The following ATP10B variants were observed in gnomAD, a reference collection of about 807,000 sequenced individuals.
The protein encoded by ATP10B is ATPase phospholipid transporting 10B (putative).
A neutral mutation model predicts 141.2 loss-of-function variants in ATP10B; 122 were observed. The observed-to-expected ratio is 0.86, with a 90% CI of 0.75 to 1.00. The LOEUF (loss-of-function observed/expected upper bound fraction) is 1.00. ATP10B is among the 50% of genes least tolerant of loss of function. ATP10B has a pLI of 0.00. For synonymous variants in ATP10B, 685 were observed against 692.0 expected (o/e 0.99, Z 0.16); for missense variants, 1,876 against 1,825.3 (o/e 1.03, Z -0.51).
chr5:160,643,392 C>T (rs1581251196), intron 9 of ATP10B, among the ~76,000 whole-genome samples: 1 of 152,126 alleles, frequency 6.6e-6, no homozygotes, highest in Admixed American at 6.6e-5. Context: ...CCAGAGAGAC[C>T]ATGTTTCCTC....
chr5:160,828,972 C>T (rs1469608798), intron 1 of ATP10B, among the ~76,000 whole-genome samples: 1 of 143,714 alleles, frequency 7.0e-6, no homozygotes, highest in African/African-American at 2.5e-5. Flanking sequence ...AAACCAAACA[C>T]CGCATGTTCT....
chr5:160,637,041 A>ATCC (rs1759449996), intron 10 of ATP10B, among the ~76,000 whole-genome samples: 2 of 55,932 alleles, frequency 3.6e-5, no homozygotes, highest in Non-Finnish European at 6.6e-5. Flanking sequence ...TCCATCCATG[A>ATCC]ATCCATCCAT....
intron 22 of ATP10B, among the ~76,000 whole-genome samples, chr5:160,594,184 G>A (rs1756520141): frequency 1.3e-5 from 2 of 152,200 alleles, no homozygotes; most frequent in African/African-American, 4.8e-5. Flanking sequence ...ACTAACAGCT[G>A]ATCTCTCAGC....
intron 18 of ATP10B, among the ~76,000 whole-genome samples, chr5:160,609,777 A>G (rs1290877670): frequency 6.6e-6 from 1 of 152,196 alleles, no homozygotes; most frequent in Non-Finnish European, 1.5e-5. Context: ...TAGAATATGC[A>G]TAGAGCCCAG....
At chr5:160,611,691 C>T (rs1253909327) in intron 18 of ATP10B, 1 of 152,226 alleles carries the variant, frequency 6.6e-6, no homozygotes, top group Admixed American at 6.5e-5. Context: ...ACCTCCCCAA[C>T]ATTCTACTGT....
At chr5:160,815,947 A>T (rs560479519) in intron 1 of ATP10B, among the ~76,000 whole-genome samples, 1 of 152,232 alleles carries the variant, frequency 6.6e-6, no homozygotes, top group Non-Finnish European at 1.5e-5. Context: ...AGAAATAAAG[A>T]TGTTCTTTGA....
intron 1 of ATP10B, among the ~76,000 whole-genome samples, chr5:160,798,037 G>A (rs1230118979): frequency 6.6e-6 from 1 of 152,020 alleles, no homozygotes. Context: ...GGCAAGGGAA[G>A]GTTTCTTTGA....
At chr5:160,917,958 C>A in the ATP10B span, among the ~76,000 whole-genome samples, 1 of 152,306 alleles carries the variant, frequency 6.6e-6, no homozygotes, top group Non-Finnish European at 1.5e-5. Context: ...CTCTTCCAGG[C>A]AAGTCCCTGA....
At chr5:160,814,115 G>A (rs915518102) in intron 1 of ATP10B, among the ~76,000 whole-genome samples, 8 of 152,152 alleles carry the variant, frequency 5.3e-5, no homozygotes, top group African/African-American at 1.4e-4. Context: ...CACCAGAAAC[G>A]GAACAAAGCT....
At chr5:160,811,239 C>T (rs1325879192) in intron 1 of ATP10B, among the ~76,000 whole-genome samples, 2 of 152,304 alleles carry the variant, frequency 1.3e-5, no homozygotes, top group East Asian at 3.9e-4. Flanking sequence ...AGGCGAGACT[C>T]AGCATATTCT....
intron 2 of ATP10B, among the ~76,000 whole-genome samples, chr5:160,717,504 C>G (rs1011540729): frequency 6.6e-6 from 1 of 152,184 alleles, no homozygotes; most frequent in African/African-American, 2.4e-5. Context: ...CCTCAGTGAA[C>G]TTGGGACAGT....
At position 160,634,597 on chromosome 5, in the gene ATP10B, G is replaced by A; in HGVS notation, c.1138C>T (p.Pro380Ser). The A allele has an allele frequency of 6.2e-7, 1 of 1,607,844 alleles. No individual in the cohort carries two copies. Among genetic ancestry groups the A allele is most frequent in the Non-Finnish European group, 8.5e-7 (1 of 1,176,578 alleles). Residue 380 changes from proline to serine, a missense_variant, in exon 12 of 26, where the codon CCC (proline) becomes TCC (serine). Physicochemically the swap from Pro to Ser is moderately conservative, Grantham distance 74. Transcript: ENST00000327245. Reference sequence around the variant, plus strand: ...TCAATGGAGACATACAAAGAGATGGGGATCAGCACCTGAAAAGAGATGAGT... The same window carrying A: ...TCAATGGAGACATACAAAGAGATGGAGATCAGCACCTGAAAAGAGATGAGT... Reference protein sequence around the residue: ...TMIILLQVLIPISLYVSIELV... With the variant: ...TMIILLQVLISISLYVSIELV...
chr5:160,779,676 G>A (rs937095331), intron 2 of ATP10B, among the ~76,000 whole-genome samples: 5 of 152,156 alleles, frequency 3.3e-5, no homozygotes, highest in Non-Finnish European at 7.4e-5. Flanking sequence ...CTGAGACAGA[G>A]AACTCAGGTA....
intron 3 of ATP10B, among the ~76,000 whole-genome samples, chr5:160,716,048 TTC>T (rs1460796468): frequency 4.6e-5 from 7 of 152,278 alleles, no homozygotes; most frequent in Admixed American, 2.0e-4. Context: ...AGTGCACATG[TTC>T]TTAGACCCAG....
intron 5 of ATP10B, among the ~76,000 whole-genome samples, chr5:160,686,753 T>C (rs1763779886): frequency 1.3e-5 from 2 of 152,204 alleles, no homozygotes; most frequent in African/African-American, 4.8e-5. Context: ...ATGGGGATAG[T>C]ATTATGGACT....
At chr5:160,814,261 T>C (rs1773418967) in intron 1 of ATP10B, among the ~76,000 whole-genome samples, 2 of 152,006 alleles carry the variant, frequency 1.3e-5, no homozygotes, top group African/African-American at 4.8e-5. Flanking sequence ...AATGGCTAAC[T>C]AGAATAACCA....
intron 6 of ATP10B, among the ~76,000 whole-genome samples, chr5:160,681,513 G>C (rs1763398607): frequency 6.6e-6 from 1 of 152,170 alleles, no homozygotes; most frequent in Non-Finnish European, 1.5e-5. Flanking sequence ...GGCCAGAAGT[G>C]ATGGCATGCC....
the ATP10B span, among the ~76,000 whole-genome samples, chr5:160,905,227 T>C: frequency 6.6e-6 from 1 of 152,336 alleles, no homozygotes; most frequent in South Asian, 2.1e-4. Flanking sequence ...TGTTCTTGAC[T>C]ACTACATTAT....
At chr5:160,639,153 C>A (rs554245440) in intron 10 of ATP10B, 103 of 152,464 alleles carry the variant, frequency 6.8e-4, no homozygotes, top group Admixed American at 2.0e-3. Context: ...CCACATCCAG[C>A]CCCTACACTT....
Sources: allele counts gnomAD v4.1 joint callset (sites outside exome capture counted in the v4.1 genomes callset), GRCh38; gene constraint gnomAD v4.1.1; transcripts MANE v1.5; gene names NCBI Gene and HGNC (gene_info 2026-07-23, HGNC 2026-07-21).